Variants in ITGAV observed in about 807,000 individuals in gnomAD.
ITGAV encodes integrin alpha-V.
A neutral mutation model predicts 143.8 loss-of-function variants in ITGAV; 76 were observed. The observed-to-expected ratio is 0.53, with a 90% confidence interval of 0.44 to 0.64. The LOEUF is 0.64. ITGAV is among the 30% of genes least tolerant of loss of function. ITGAV has a pLI of 0.00. For missense variants in ITGAV, 1,193 were observed against 1,274.7 expected (o/e 0.94, Z 0.98); for synonymous variants, 453 against 446.7 (o/e 1.01, Z -0.18).
intron 14 of ITGAV, 132 bp downstream of exon 14, chr2:186,650,017 A>G (rs1413120967): frequency 3.4e-6 from 2 of 580,474 alleles, no homozygotes; most frequent in Non-Finnish European, 5.9e-6. Flanking sequence ...TCTATTCATG[A>G]TTTGCTATGG....
At chr2:186,611,957 G>T (rs369103526) in intron 2 of ITGAV, among the ~76,000 whole-genome samples, 3 of 152,254 alleles carry the variant, frequency 2.0e-5, no homozygotes, top group African/African-American at 7.2e-5. Context: ...TGGTGCAAAA[G>T]TAATTGCGAT....
intron 10 of ITGAV, among the ~76,000 whole-genome samples, chr2:186,639,520 G>C (rs779972183): frequency 1.2e-4 from 18 of 152,250 alleles, no homozygotes; most frequent in Non-Finnish European, 2.2e-4. Context: ...TCTCCTGTCT[G>C]GTGACCATGT....
chr2:186,590,056 A>G lies in ITGAV; in HGVS notation c.-283A>G. 2.8e-6 allele frequency: 1 copy of G among 356,142 alleles called. No individual in the cohort carries two copies. The highest frequency in any genetic ancestry group is 4.6e-5 in the East Asian group (1 of 21,524). The allele number at this position is 356,142 out of a possible 1,614,324, so 22.1% of individuals were successfully genotyped here. ...CCTGAGGTGCGGCGCTCACCCCGGC[A>G]GTCCCCAGCCTCAGACGCTGCGTGG... is the stretch of plus-strand genomic sequence containing the variant. On this transcript the variant is annotated 5_prime_UTR_variant, in exon 1 of 30. Transcript: ENST00000261023.
chr2:186,618,934 CAA>C (rs1687444775), intron 2 of ITGAV, among the ~76,000 whole-genome samples: 1 of 152,050 alleles, frequency 6.6e-6, no homozygotes, highest in Non-Finnish European at 1.5e-5. Flanking sequence ...ATCAGTATAT[CAA>C]AGAGACATCT....
chr2:186,676,161 T>C (rs1689202662), intron 28 of ITGAV: 1 of 355,898 alleles, frequency 2.8e-6, no homozygotes, highest in Middle Eastern at 7.9e-4. Flanking sequence ...TTTCTTAGTA[T>C]ATACTAAATT....
chr2:186,646,678 C>G lies in ITGAV; in HGVS notation c.1160-8C>G. 1 of 1,548,336 alleles carries G rather than the reference C, an allele frequency of 6.5e-7. No individual in the cohort carries two copies. Among genetic ancestry groups the G allele is most frequent in the South Asian group, 1.2e-5 (1 of 82,520 alleles). Reference sequence around the variant, plus strand: ...TTCTCCTTCCCCCTCCTCTTTTTTTCCCCACAGATATTGCAATTGCTGCTC... The same window carrying G: ...TTCTCCTTCCCCCTCCTCTTTTTTTGCCCACAGATATTGCAATTGCTGCTC... On this transcript the variant is annotated splice_region_variant and splice_polypyrimidine_tract_variant and intron_variant, in intron 12 of 29. Coordinates refer to ENST00000261023, the MANE Select transcript of ITGAV (RefSeq NM_002210.5).
intron 12 of ITGAV, among the ~76,000 whole-genome samples, chr2:186,645,705 C>T (rs775566334): frequency 2.6e-5 from 4 of 152,100 alleles, no homozygotes; most frequent in East Asian, 3.9e-4. Context: ...GCGTGGTTCA[C>T]GCCTGTAATC....
chr2:186,633,330 C>T lies in ITGAV; in HGVS notation c.587C>T (p.Ala196Val). Residue 196 changes from alanine (A) to valine (V), a missense_variant and splice_region_variant, in exon 6 of 30, where the codon GCT becomes GTT. Coordinates refer to ENST00000261023, the MANE Select transcript of ITGAV (RefSeq NM_002210.5). ...QGGFSIDFTK[A>V]DRVLLGGPGS... ...TTTTTGTTGTGTGATTTCATCTAGGCTGACAGAGTACTTCTTGGTGGTCCT... is the reference window on the plus strand; with the variant it reads ...TTTTTGTTGTGTGATTTCATCTAGGTTGACAGAGTACTTCTTGGTGGTCCT... The T allele has an allele frequency of 1.3e-6, 2 of 1,575,914 alleles. No individual in the cohort carries two copies. The highest frequency in any genetic ancestry group is 1.7e-6 in the Non-Finnish European group (2 of 1,152,658).
intron 25 of ITGAV, among the ~76,000 whole-genome samples, chr2:186,669,318 C>T (rs1166020264): frequency 6.6e-6 from 1 of 152,142 alleles, no homozygotes; most frequent in Non-Finnish European, 1.5e-5. Flanking sequence ...ATAGTCATCT[C>T]CATCATAGAT....
At chr2:186,674,598 GC>G (rs944771111) in intron 26 of ITGAV, among the ~76,000 whole-genome samples, 5 of 151,586 alleles carry the variant, frequency 3.3e-5, no homozygotes, top group Admixed American at 3.3e-4. Flanking sequence ...TGCAACTTCT[GC>G]CCCCCAGGTT....
chr2:186,596,932 T>C (rs1385254854), intron 1 of ITGAV, among the ~76,000 whole-genome samples: 2 of 152,238 alleles, frequency 1.3e-5, no homozygotes, highest in East Asian at 3.8e-4. Flanking sequence ...CATCAGCTTT[T>C]TTCCCTCACA....
chr2:186,590,423 C>G lies in ITGAV; in HGVS notation c.85C>G (p.Arg29Gly), dbSNP rs1686580737. 1 of 1,613,164 alleles carries G rather than the reference C, an allele frequency of 6.2e-7. No homozygotes were observed. Among genetic ancestry groups the G allele is most frequent in the Non-Finnish European group, 8.5e-7 (1 of 1,179,894 alleles). The change falls in exon 1 of 30, where the codon CGC (arginine) becomes GGC (glycine). Residue 29 changes from arginine to glycine, a missense_variant. Physicochemically the swap from Arg to Gly is moderately radical, Grantham distance 125. Transcript: ENST00000261023. ...LLSGLLLPLC[R>G]AFNLDVDSPA... ...CTCGGGACTCCTGCTACCTCTGTGCCGCGCCTTCAACCTAGACGTGGACAG... is the reference window on the plus strand; with the variant it reads ...CTCGGGACTCCTGCTACCTCTGTGCGGCGCCTTCAACCTAGACGTGGACAG...
At chr2:186,631,403 G>T (rs1687810986) in intron 5 of ITGAV, among the ~76,000 whole-genome samples, 1 of 152,056 alleles carries the variant, frequency 6.6e-6, no homozygotes, top group African/African-American at 2.4e-5. Context: ...ATTCTCTTCA[G>T]AATTGATATT....
chr2:186,647,545 AT>A (rs897345519), intron 13 of ITGAV, among the ~76,000 whole-genome samples: 4 of 151,138 alleles, frequency 2.6e-5, no homozygotes, highest in Non-Finnish European at 3.0e-5. Context: ...CTTCATTGTG[AT>A]TTTTTTTTCA....
intron 26 of ITGAV, among the ~76,000 whole-genome samples, chr2:186,671,713 A>T (rs1474762955): frequency 6.6e-6 from 1 of 152,050 alleles, no homozygotes; most frequent in African/African-American, 2.4e-5. Context: ...CACCATTACC[A>T]CTATAATTGT....
intron 8 of ITGAV, 113 bp from the exon 9 acceptor site, chr2:186,638,164 T>A (rs1238502363): frequency 3.5e-6 from 3 of 845,312 alleles, no homozygotes; most frequent in Non-Finnish European, 5.7e-6. Flanking sequence ...AAATTGATTG[T>A]TTGTTTTGAA....
In ITGAV at chr2:186,680,386, A is replaced by G. The variant is rs200748501; in HGVS notation, c.*3094A>G. The G allele has an allele frequency of 1.3e-5, 2 of 152,548 alleles. No homozygotes were observed. The highest frequency in any genetic ancestry group is 6.6e-5 in the Admixed American group (1 of 15,262). The allele number at this position is 152,548 out of a possible 1,614,324, so 9.4% of individuals were successfully genotyped here. ...AATATGCAGCATGCAATATATGCTT[A>G]TATTTCATTTTAATTTCTGATATAT... On this transcript the variant is annotated 3_prime_UTR_variant, in exon 30 of 30. Transcript: ENST00000261023.
chr2:186,656,186 G>A (rs1688577367), intron 16 of ITGAV, 61 bp from the exon 17 acceptor site: 3 of 1,273,020 alleles, frequency 2.4e-6, no homozygotes, highest in African/African-American at 1.6e-5. Flanking sequence ...GAAAACTCTA[G>A]AGTAGGATAG....
intron 15 of ITGAV, among the ~76,000 whole-genome samples, chr2:186,654,059 GGCACA>G (rs1391168137): frequency 2.6e-5 from 4 of 152,098 alleles, no homozygotes; most frequent in African/African-American, 7.2e-5. Flanking sequence ...CCGTTGGCTA[GGCACA>G]GTGGCTCACT....
Sources: allele counts gnomAD v4.1 joint callset (sites outside exome capture counted in the v4.1 genomes callset), GRCh38; gene constraint gnomAD v4.1.1; transcripts MANE v1.5; gene names NCBI Gene and HGNC (gene_info 2026-07-23, HGNC 2026-07-21).